The following RALYL variants were observed in gnomAD, a reference collection of about 807,000 sequenced individuals.
RALYL encodes RALY RNA binding protein like, also known as RNA-binding Raly-like protein.
In RALYL, 29 loss-of-function variants were observed where a neutral mutation model predicts 35.1. The observed-to-expected ratio is 0.83, with a 90% CI of 0.61 to 1.13. RALYL has a LOEUF of 1.13. Among genes scored for constraint, RALYL ranks in the 50% most tolerant of loss-of-function variants. The pLI, the probability that RALYL is intolerant of heterozygous loss-of-function variation, is 0.00. For synonymous variants in RALYL, 120 were observed against 127.6 expected, an observed-to-expected ratio of 0.94 and a Z score of 0.40; for missense variants, 359 against 360.4, an observed-to-expected ratio of 1.00 and a Z score of 0.03.
At chr8:84,419,683 C>T (rs1198340770) in intron 1 of RALYL, among the ~76,000 whole-genome samples, 1 of 143,100 alleles carries the variant, frequency 7.0e-6, no homozygotes, top group Non-Finnish European at 1.5e-5. Flanking sequence ...TCTCCCAATG[C>T]TGTCCCTCCC....
At chr8:84,494,005 T>C (rs2055670879) in intron 1 of RALYL, among the ~76,000 whole-genome samples, 1 of 152,190 alleles carries the variant, frequency 6.6e-6, no homozygotes, top group Non-Finnish European at 1.5e-5. Context: ...TGCTATTGCC[T>C]AGGTTTTCTT....
At chr8:84,839,366 C>G (rs1048556445) in intron 4 of RALYL, among the ~76,000 whole-genome samples, 3 of 152,220 alleles carry the variant, frequency 2.0e-5, no homozygotes, top group East Asian at 3.9e-4. Context: ...GAGCCTCGCT[C>G]ATTGCTAGCA....
chr8:84,272,538 C>T (rs1308792716), intron 1 of RALYL, among the ~76,000 whole-genome samples: 2 of 152,170 alleles, frequency 1.3e-5, no homozygotes, highest in East Asian at 3.9e-4. Flanking sequence ...GAATATCTGG[C>T]TGAGAAACTT....
At chr8:84,402,242 A>G (rs2042991001) in intron 1 of RALYL, among the ~76,000 whole-genome samples, 1 of 152,212 alleles carries the variant, frequency 6.6e-6, no homozygotes, top group Middle Eastern at 3.2e-3. Flanking sequence ...CAAAAACATC[A>G]CCATAGCAAA....
At chr8:84,830,381 C>T (rs1388807415) in intron 4 of RALYL, among the ~76,000 whole-genome samples, 9 of 151,500 alleles carry the variant, frequency 5.9e-5, no homozygotes, top group African/African-American at 1.9e-4. Context: ...ATCGAACTAA[C>T]AGAAAAAATG....
chr8:84,381,779 T>C (rs577448967), intron 1 of RALYL, among the ~76,000 whole-genome samples: 17 of 151,828 alleles, frequency 1.1e-4, no homozygotes, highest in Non-Finnish European at 2.5e-4. Context: ...ATATGGCCTG[T>C]TTACTTCTTG....
chr8:84,270,694 C>A (rs572594630), intron 1 of RALYL, among the ~76,000 whole-genome samples: 1 of 152,196 alleles, frequency 6.6e-6, no homozygotes, highest in Non-Finnish European at 1.5e-5. Flanking sequence ...TTATTCCACA[C>A]TTTTTATTCC....
At chr8:84,877,662 T>G (rs1390157149) in intron 7 of RALYL, among the ~76,000 whole-genome samples, 1 of 152,162 alleles carries the variant, frequency 6.6e-6, no homozygotes, top group African/African-American at 2.4e-5. Context: ...AGAGGCCTTT[T>G]TGGTCTAGAG....
chr8:84,334,833 AGCACAAT>A (rs1847469874), intron 1 of RALYL, among the ~76,000 whole-genome samples: 1 of 152,138 alleles, frequency 6.6e-6, no homozygotes. Context: ...TTGTTCCATT[AGCACAAT>A]CTCTAGTCCA....
intron 1 of RALYL, among the ~76,000 whole-genome samples, chr8:84,523,373 T>C (rs2058618991): frequency 6.6e-6 from 1 of 152,074 alleles, no homozygotes; most frequent in African/African-American, 2.4e-5. Flanking sequence ...CTCCCATGAT[T>C]CAATTACCTC....
At chr8:84,727,233 C>T (rs1845134075) in intron 2 of RALYL, among the ~76,000 whole-genome samples, 1 of 151,958 alleles carries the variant, frequency 6.6e-6, no homozygotes, top group African/African-American at 2.4e-5. Context: ...TTGGGCATCT[C>T]TTAAGATGTA....
intron 1 of RALYL, among the ~76,000 whole-genome samples, chr8:84,428,349 C>A (rs890442160): frequency 1.2e-4 from 18 of 152,210 alleles, no homozygotes; most frequent in Non-Finnish European, 2.4e-4. Context: ...AATTCCATCA[C>A]CTCCGAGGAG....
At chr8:84,660,624 A>T (rs1189277987) in intron 2 of RALYL, among the ~76,000 whole-genome samples, 2 of 151,080 alleles carry the variant, frequency 1.3e-5, no homozygotes, top group Non-Finnish European at 3.0e-5. Context: ...ATATTCTTCA[A>T]TTTTTTTTGC....
chr8:84,850,114 A>G (rs995351101), intron 5 of RALYL, 87 bp downstream of exon 5: 2 of 635,322 alleles, frequency 3.1e-6, no homozygotes, highest in African/African-American at 3.9e-5. Context: ...GCTCTTAATT[A>G]TGGTATTTAA....
At chr8:84,573,538 T>C (rs1252210) in intron 2 of RALYL, among the ~76,000 whole-genome samples, 28,598 of 151,788 alleles carry the variant, frequency 0.19, 2,955 homozygotes, top group Non-Finnish European at 0.23. Flanking sequence ...TCGTTGTCTT[T>C]AGATTTATCC....
chr8:84,273,590 T>C (rs1457753206), intron 1 of RALYL, among the ~76,000 whole-genome samples: 1 of 152,240 alleles, frequency 6.6e-6, no homozygotes, highest in Non-Finnish European at 1.5e-5. Flanking sequence ...ATCTCAGCCA[T>C]CTTCAAGGAT....
chr8:84,614,379 A>G (rs1818969998), intron 2 of RALYL, among the ~76,000 whole-genome samples: 1 of 151,702 alleles, frequency 6.6e-6, no homozygotes, highest in African/African-American at 2.4e-5. Context: ...AATCTTCCTG[A>G]CTTGAGATTG....
chr8:84,511,129 T>C (rs758530990), intron 1 of RALYL, among the ~76,000 whole-genome samples: 45 of 152,316 alleles, frequency 3.0e-4, no homozygotes, highest in Admixed American at 2.3e-3. Context: ...TCTACTTCCA[T>C]GAATTCAACA....
chr8:84,679,722 T>C, intron 2 of RALYL: 1 of 521,904 alleles, frequency 1.9e-6, no homozygotes, highest in South Asian at 1.4e-5. Context: ...CAAGGCAATA[T>C]TAAGTGCTGA....
Sources: allele counts gnomAD v4.1 joint callset (sites outside exome capture counted in the v4.1 genomes callset), GRCh38; gene constraint gnomAD v4.1.1; transcripts MANE v1.5; gene names NCBI Gene and HGNC (gene_info 2026-07-23, HGNC 2026-07-21).